ATP10B: variants seen among roughly 807,000 people sequenced by gnomAD.
The protein encoded by ATP10B is phospholipid-transporting ATPase VB.
A neutral mutation model predicts 141.2 loss-of-function variants in ATP10B; 122 were observed. The ratio of observed to expected loss-of-function variants is 0.86; its 90% CI spans 0.75 to 1.00. The LOEUF (loss-of-function observed/expected upper bound fraction) is 1.00. ATP10B is among the 50% of genes least tolerant of loss of function. ATP10B has a pLI of 0.00. For synonymous variants in ATP10B, 685 were observed against 692.0 expected, an observed-to-expected ratio of 0.99 and a Z score of 0.16; for missense variants, 1,876 against 1,825.3, an observed-to-expected ratio of 1.03 and a Z score of -0.51.
intron 24 of ATP10B, among the ~76,000 whole-genome samples, chr5:160,587,157 G>A (rs1755961824): frequency 6.6e-6 from 1 of 152,212 alleles, no homozygotes; most frequent in Admixed American, 6.5e-5. Context: ...AAGGTGTAAG[G>A]AAGGGATCCT....
At chr5:160,878,410 G>T in the ATP10B span, among the ~76,000 whole-genome samples, 6 of 148,958 alleles carry the variant, frequency 4.0e-5, no homozygotes, top group African/African-American at 9.8e-5. Flanking sequence ...TTAAACGTTA[G>T]ACCTAAAACC....
intron 1 of ATP10B, among the ~76,000 whole-genome samples, chr5:160,847,713 A>T (rs1561921078): frequency 6.6e-6 from 1 of 152,182 alleles, no homozygotes; most frequent in Non-Finnish European, 1.5e-5. Flanking sequence ...GCAAAGGACA[A>T]ACTGCCTTTC....
At chr5:160,697,170 A>G (rs1764415355) in intron 3 of ATP10B, among the ~76,000 whole-genome samples, 1 of 152,202 alleles carries the variant, frequency 6.6e-6, no homozygotes. Context: ...AATTGATGAC[A>G]TTTTAGATTC....
intron 24 of ATP10B, among the ~76,000 whole-genome samples, chr5:160,575,535 C>T (rs6892708): frequency 0.79 from 119,454 of 151,994 alleles, 47,084 homozygotes; most frequent in East Asian, 0.85. Context: ...CCTGGCAATT[C>T]AGATACCCTC....
chr5:160,734,375 G>A (rs568610740), intron 2 of ATP10B, among the ~76,000 whole-genome samples: 1 of 151,918 alleles, frequency 6.6e-6, no homozygotes, highest in Non-Finnish European at 1.5e-5. Flanking sequence ...TAGTACATGT[G>A]CCTATTTAAA....
chr5:160,874,156 C>A, the ATP10B span, among the ~76,000 whole-genome samples: 1 of 152,120 alleles, frequency 6.6e-6, no homozygotes, highest in Non-Finnish European at 1.5e-5. Flanking sequence ...TTGAAGAGAG[C>A]AGTGGTTCTC....
rs141022386 is a variant in ATP10B, at chr5:160,831,397, G to A, written c.-576+20544C>T. ...GGCAGAACACATTACCCCTACTTAA[G>A]CTTTAAATAAGCAGGAGACTTTCCT... On this transcript the variant is annotated intron_variant, in intron 1 of 25. Coordinates refer to ENST00000327245, the MANE Select transcript of ATP10B (RefSeq NM_025153.3). Among the ~76,000 whole-genome samples the A allele has an allele frequency of 6.0e-3, 920 of 152,090 alleles. 13 individuals carry two copies. The highest frequency in any genetic ancestry group is 0.021 in the African/African-American group (874 of 41,502).
At chr5:160,776,302 G>C (rs1770306533) in intron 2 of ATP10B, among the ~76,000 whole-genome samples, 1 of 152,162 alleles carries the variant, frequency 6.6e-6, no homozygotes, top group African/African-American at 2.4e-5. Flanking sequence ...GCTACTTTTG[G>C]TCTTGGGCAA....
intron 1 of ATP10B, among the ~76,000 whole-genome samples, chr5:160,844,968 G>A (rs895454752): frequency 6.6e-6 from 1 of 152,110 alleles, no homozygotes; most frequent in African/African-American, 2.4e-5. Flanking sequence ...TGTGCCTGTT[G>A]GGCATACCAA....
At chr5:160,922,479 G>A in the ATP10B span, among the ~76,000 whole-genome samples, 303 of 152,266 alleles carry the variant, frequency 2.0e-3, no homozygotes, top group Admixed American at 4.0e-3. Flanking sequence ...TGGGCAAAAA[G>A]GCAGGTCCGA....
intron 1 of ATP10B, among the ~76,000 whole-genome samples, chr5:160,821,125 A>G (rs1010205608): frequency 1.3e-5 from 2 of 152,162 alleles, no homozygotes; most frequent in Non-Finnish European, 2.9e-5. Context: ...TAAAGACTAC[A>G]GCAAATTATT....
chr5:160,765,936 C>A (rs1244054845), intron 2 of ATP10B, among the ~76,000 whole-genome samples: 5 of 151,770 alleles, frequency 3.3e-5, no homozygotes, highest in African/African-American at 1.2e-4. Flanking sequence ...TACAAATGGC[C>A]AAGAAATACA....
intron 2 of ATP10B, among the ~76,000 whole-genome samples, chr5:160,718,563 G>A (rs549776626): frequency 6.6e-6 from 1 of 152,288 alleles, no homozygotes; most frequent in Admixed American, 6.5e-5. Context: ...TTTTTGGTGA[G>A]AGCTTTTGTG....
chr5:160,911,506 G>T, the ATP10B span, among the ~76,000 whole-genome samples: 1 of 152,206 alleles, frequency 6.6e-6, no homozygotes, highest in Non-Finnish European at 1.5e-5. Flanking sequence ...TAGGAGGCTA[G>T]ACTAGATGCC....
At chr5:160,575,508 C>T (rs1421972301) in intron 24 of ATP10B, among the ~76,000 whole-genome samples, 1 of 152,126 alleles carries the variant, frequency 6.6e-6, no homozygotes, top group Admixed American at 6.6e-5. Flanking sequence ...TATACATTCT[C>T]TACCTGGCCA....
chr5:160,924,556 T>C, the ATP10B span, among the ~76,000 whole-genome samples: 6 of 152,168 alleles, frequency 3.9e-5, no homozygotes, highest in Non-Finnish European at 8.8e-5. Context: ...GACTGCTTTA[T>C]CGGGGTCATG....
chr5:160,839,582 CA>C (rs1220351821), intron 1 of ATP10B, among the ~76,000 whole-genome samples: 1 of 151,990 alleles, frequency 6.6e-6, no homozygotes, highest in Non-Finnish European at 1.5e-5. Flanking sequence ...AGAAAAAACA[CA>C]GTAAATATAG....
At chr5:160,870,953 C>T in the ATP10B span, among the ~76,000 whole-genome samples, 1 of 29,742 alleles carries the variant, frequency 3.4e-5, no homozygotes, top group Non-Finnish European at 1.1e-4. Flanking sequence ...AAATAACCAA[C>T]AACCTACAAT....
intron 2 of ATP10B, among the ~76,000 whole-genome samples, chr5:160,732,206 G>T (rs1304924054): frequency 1.3e-5 from 2 of 152,152 alleles, no homozygotes; most frequent in African/African-American, 2.4e-5. Flanking sequence ...GATTAACCTT[G>T]GAGCCCCAAA....
Sources: allele counts gnomAD v4.1 joint callset (sites outside exome capture counted in the v4.1 genomes callset), GRCh38; gene constraint gnomAD v4.1.1; transcripts MANE v1.5; gene names NCBI Gene and HGNC (gene_info 2026-07-23, HGNC 2026-07-21).